Variants in PMS1 observed in about 807,000 individuals in gnomAD.
PMS1 encodes the protein PMS1 protein homolog 1.
In PMS1, 79 loss-of-function variants were observed where a neutral mutation model predicts 93.1. The ratio of observed to expected loss-of-function variants is 0.85; its 90% confidence interval spans 0.71 to 1.02. PMS1 has a LOEUF of 1.02. Ranked by LOEUF, PMS1 falls within the 50% of genes least tolerant of loss-of-function variation. The probability of loss-of-function intolerance (pLI) is 0.00; values close to 1 mark genes in which losing one functional copy is unlikely to be tolerated. For synonymous variants in PMS1, 335 were observed against 363.4 expected (o/e 0.92, Z 0.89); for missense variants, 1,064 against 1,085.3 (o/e 0.98, Z 0.28).
At position 189,803,162 on chromosome 2, in the gene PMS1, G is replaced by GC. The variant is rs1383999856; in HGVS notation, c.316-2483dup. The stretch of plus-strand genomic sequence containing the variant: ...TGTGTCAGTTTTCATCTAAAACTTA[G>GC]CCCCCCCAAAAACTCAAAAGGCTTT... On this transcript the variant is annotated intron_variant, in intron 3 of 12. Transcript: ENST00000441310. Among the ~76,000 whole-genome samples the GC allele has an allele frequency of 9.9e-5, 15 of 152,080 alleles. No homozygotes were observed. In the East Asian group the frequency reaches 2.1e-3, roughly 22 times the overall value.
chr2:189,839,596 A>G (rs900880895), intron 5 of PMS1, among the ~76,000 whole-genome samples: 1 of 152,236 alleles, frequency 6.6e-6, no homozygotes, highest in Non-Finnish European at 1.5e-5. Context: ...TCTTAGAGAC[A>G]AACTCCTGTC....
chr2:189,872,469 C>T (rs1173365649), intron 11 of PMS1, among the ~76,000 whole-genome samples: 2 of 152,036 alleles, frequency 1.3e-5, no homozygotes, highest in East Asian at 3.9e-4. Context: ...ATGTAGACTT[C>T]ATGAAAGAAC....
Position 189,795,967 on chromosome 2 carries a change from TG to T in PMS1, c.315+18del. 6.5e-7 allele frequency: 1 copy of T among 1,545,442 alleles called. No individual in the cohort carries two copies. Among genetic ancestry groups the T allele is most frequent in the East Asian group, 2.2e-5 (1 of 44,580 alleles). On this transcript the variant is annotated intron_variant, in intron 3 of 12. Coordinates refer to ENST00000441310, the MANE Select transcript of PMS1 (RefSeq NM_000534.5). The stretch of plus-strand genomic sequence containing the variant: ...TATAGCTGAGGTAAGGTAATTATAT[TG>T]GTTATTTTAGTGATTTCATATTCAC...
chr2:189,849,344 A>G (rs2054505939), intron 6 of PMS1, among the ~76,000 whole-genome samples: 1 of 152,006 alleles, frequency 6.6e-6, no homozygotes, highest in Non-Finnish European at 1.5e-5. Context: ...AATTCTCAAA[A>G]CTATATATTT....
rs929718524 is a variant in PMS1, at chr2:189,852,738, C to T, written c.783C>T (p.Phe261=). 6.3e-7 allele frequency: 1 copy of T among 1,592,280 alleles called. No homozygotes were observed. Among genetic ancestry groups the T allele is most frequent in the Non-Finnish European group, 8.6e-7 (1 of 1,160,650 alleles). Residue 261 remains phenylalanine, a synonymous_variant, in exon 7 of 13, where the codon TTC becomes TTT. Transcript: ENST00000441310. ...CAACACCAGAAAGAAGTTTCATCTT[C>T]ATAAACAGTCGACCAGTACATCAAA... is the stretch of plus-strand genomic sequence containing the variant. ...SLSTPERSFI[F]INSRPVHQKD... is the part of the protein sequence containing the mutation.
Position 189,873,544 on chromosome 2 carries a change from G to A in PMS1, c.2522G>A (p.Cys841Tyr), listed in dbSNP as rs755396415. 8.1e-6 allele frequency: 13 copies of A among 1,598,010 alleles called. No individual in the cohort carries two copies. The highest frequency in any genetic ancestry group is 1.0e-5 in the Non-Finnish European group (12 of 1,165,400). ...NYLEIEGMAN[C>Y]LPFYGVADLK... ...TTGGAAATAGAAGGAATGGCTAATT[G>A]TCTCCCATTCTATGGAGTAGCAGAT... Residue 841 changes from cysteine (C) to tyrosine (Y), a missense_variant, in exon 12 of 13, where the codon TGT becomes TAT. Cys to Tyr is a radical substitution (Grantham distance 194). Transcript: ENST00000441310.
chr2:189,784,960 T>C (rs755514850), intron 1 of PMS1, among the ~76,000 whole-genome samples: 15 of 152,240 alleles, frequency 9.9e-5, no homozygotes, highest in Non-Finnish European at 1.6e-4. Flanking sequence ...AGTTAAACTC[T>C]TTAAAGTTAA....
chr2:189,801,709 G>A (rs1021421765), intron 3 of PMS1, among the ~76,000 whole-genome samples: 2 of 152,050 alleles, frequency 1.3e-5, no homozygotes, highest in Non-Finnish European at 2.9e-5. Flanking sequence ...CTGGCCAAAG[G>A]CCAAAGTCAG....
At chr2:189,861,825 A>G (rs1301772514) in intron 9 of PMS1, among the ~76,000 whole-genome samples, 1 of 147,576 alleles carries the variant, frequency 6.8e-6, no homozygotes, top group East Asian at 2.0e-4. Flanking sequence ...GCGGTTTCCT[A>G]TTTGTACTGT....
chr2:189,794,078 A>C (rs1417940344), intron 2 of PMS1, among the ~76,000 whole-genome samples: 5 of 152,108 alleles, frequency 3.3e-5, no homozygotes, highest in Non-Finnish European at 4.4e-5. Context: ...AAAATATAGA[A>C]GACCGACAGT....
At chr2:189,853,878 G>C in intron 7 of PMS1, 61 bp from the exon 8 acceptor site, 1 of 1,095,086 alleles carries the variant, frequency 9.1e-7, no homozygotes, top group South Asian at 1.5e-5. Context: ...AATTTGCTGG[G>C]TTTTATTGTA....
chr2:189,850,841 G>A (rs2054630895), intron 6 of PMS1, among the ~76,000 whole-genome samples: 1 of 152,136 alleles, frequency 6.6e-6, no homozygotes, highest in Non-Finnish European at 1.5e-5. Flanking sequence ...TGTCCCTTTA[G>A]TGTCCCTTGG....
chr2:189,795,092 T>TA (rs528147782), intron 2 of PMS1, among the ~76,000 whole-genome samples: 41 of 152,208 alleles, frequency 2.7e-4, no homozygotes, highest in African/African-American at 7.7e-4. Context: ...ACAAAGTATC[T>TA]AAAAAAAGTC....
chr2:189,805,563 A>G, intron 3 of PMS1, 89 bp from the exon 4 acceptor site: 1 of 1,028,882 alleles, frequency 9.7e-7, no homozygotes, highest in Admixed American at 1.7e-5. Flanking sequence ...TTGAGTAAAT[A>G]TATTATGCAA....
At chr2:189,862,283 T>G (rs2056101046) in intron 9 of PMS1, among the ~76,000 whole-genome samples, 1 of 152,312 alleles carries the variant, frequency 6.6e-6, no homozygotes, top group African/African-American at 2.4e-5. Context: ...CGGTGAATAT[T>G]TAATTTCTGA....
chr2:189,808,772 C>T (rs768932266), intron 4 of PMS1, among the ~76,000 whole-genome samples: 4 of 152,074 alleles, frequency 2.6e-5, no homozygotes, highest in Non-Finnish European at 4.4e-5. Context: ...CTAAGTTGCC[C>T]TTGCCTTCTG....
At chr2:189,861,457 A>G (rs1361104973) in intron 9 of PMS1, among the ~76,000 whole-genome samples, 1 of 149,120 alleles carries the variant, frequency 6.7e-6, no homozygotes, top group East Asian at 2.0e-4. Flanking sequence ...CACTGAAAAG[A>G]TTTCACTGTT....
chr2:189,830,265 T>C (rs895354216), intron 5 of PMS1, among the ~76,000 whole-genome samples: 1 of 152,234 alleles, frequency 6.6e-6, no homozygotes, highest in African/African-American at 2.4e-5. Flanking sequence ...ATGCCTCCTT[T>C]ACCTCTGATT....
chr2:189,855,260 A>G (rs2055189184), intron 9 of PMS1, 132 bp downstream of exon 9: 1 of 727,740 alleles, frequency 1.4e-6, no homozygotes, highest in South Asian at 1.7e-5. Context: ...TGGCTTGGAT[A>G]GAGTACCTTT....
Sources: gnomAD v4.1 joint callset for allele counts (sites outside exome capture counted in the v4.1 genomes callset) on GRCh38, gnomAD v4.1.1 for gene constraint, MANE v1.5 for transcripts, NCBI Gene and HGNC (gene_info 2026-07-23, HGNC 2026-07-21) for gene names.